Variants in FGF12 observed in about 807,000 individuals in gnomAD.
FGF12 encodes the protein fibroblast growth factor 12B.
Under a neutral mutation model 23.6 loss-of-function variants are expected in FGF12, and 14 were observed. That is an observed-to-expected ratio of 0.59 (90% CI 0.39 to 0.93). The LOEUF (loss-of-function observed/expected upper bound fraction) is 0.93. Ranked by LOEUF, FGF12 falls within the 40% of genes least tolerant of loss-of-function variation. The probability of loss-of-function intolerance (pLI) is 0.00; values close to 1 mark genes in which losing one functional copy is unlikely to be tolerated. For missense variants in FGF12, 175 were observed against 217.8 expected (o/e 0.80, Z 1.24); for synonymous variants, 62 against 77.3 (o/e 0.80, Z 1.04).
intron 4 of FGF12, among the ~76,000 whole-genome samples, chr3:192,201,083 C>T (rs555223928): frequency 3.9e-5 from 6 of 152,254 alleles, no homozygotes; most frequent in African/African-American, 1.4e-4. Flanking sequence ...CTGTAGGGGG[C>T]CACTGGTATA....
At chr3:192,644,704 CAAGT>C (rs763169050) in intron 2 of FGF12, among the ~76,000 whole-genome samples, 6 of 152,246 alleles carry the variant, frequency 3.9e-5, no homozygotes, top group Non-Finnish European at 8.8e-5. Context: ...TGTGGGACTG[CAAGT>C]AAGAATCAGG....
intron 4 of FGF12, among the ~76,000 whole-genome samples, chr3:192,273,502 G>C (rs900077028): frequency 6.6e-6 from 1 of 152,132 alleles, no homozygotes; most frequent in African/African-American, 2.4e-5. Context: ...TTCCTCACCA[G>C]TAGCTCAGGA....
chr3:192,691,352 G>A (rs1180664339), intron 2 of FGF12, among the ~76,000 whole-genome samples: 1 of 151,722 alleles, frequency 6.6e-6, no homozygotes, highest in African/African-American at 2.4e-5. Flanking sequence ...CAACCACAAT[G>A]GTATGAAACT....
intron 2 of FGF12, among the ~76,000 whole-genome samples, chr3:192,519,796 A>G (rs934351869): frequency 2.6e-5 from 4 of 152,216 alleles, no homozygotes; most frequent in African/African-American, 9.7e-5. Flanking sequence ...TTATATCAGT[A>G]TGGCCTCAAG....
At chr3:192,619,616 T>C (rs1024008471) in intron 2 of FGF12, among the ~76,000 whole-genome samples, 9 of 152,190 alleles carry the variant, frequency 5.9e-5, no homozygotes, top group Admixed American at 3.3e-4. Context: ...CTTGCTCAGG[T>C]ATGAGATTTT....
intron 2 of FGF12, among the ~76,000 whole-genome samples, chr3:192,535,378 G>T (rs1275922788): frequency 6.6e-6 from 1 of 152,132 alleles, no homozygotes; most frequent in African/African-American, 2.4e-5. Flanking sequence ...GGGAGAATAG[G>T]TCTTCTTTCT....
intron 4 of FGF12, among the ~76,000 whole-genome samples, chr3:192,316,912 C>T (rs1484608852): frequency 1.3e-5 from 2 of 152,172 alleles, no homozygotes; most frequent in African/African-American, 4.8e-5. Flanking sequence ...AGCTCAACCA[C>T]TATAGAATAG....
intron 2 of FGF12, among the ~76,000 whole-genome samples, chr3:192,383,374 G>T (rs1425779526): frequency 6.6e-6 from 1 of 152,082 alleles, no homozygotes; most frequent in Non-Finnish European, 1.5e-5. Flanking sequence ...TAATATTCAT[G>T]TGCTGGTGTG....
chr3:192,161,880 T>C (rs1577189854), intron 5 of FGF12, among the ~76,000 whole-genome samples: 1 of 152,264 alleles, frequency 6.6e-6, no homozygotes, highest in East Asian at 1.9e-4. Flanking sequence ...TAAGTGTCAA[T>C]GTCACTCTGT....
intron 2 of FGF12, among the ~76,000 whole-genome samples, chr3:192,467,055 G>GT (rs1723031574): frequency 6.6e-6 from 1 of 152,074 alleles, no homozygotes; most frequent in South Asian, 2.1e-4. Flanking sequence ...TAATTTTTAG[G>GT]TTTTTTCTTA....
At chr3:192,573,252 A>G (rs2108607291) in intron 2 of FGF12, among the ~76,000 whole-genome samples, 1 of 152,288 alleles carries the variant, frequency 6.6e-6, no homozygotes, top group African/African-American at 2.4e-5. Flanking sequence ...TAAAAAAAAA[A>G]AAGGATAGTC....
At chr3:192,434,366 AG>A (rs899886162) in intron 2 of FGF12, among the ~76,000 whole-genome samples, 3 of 152,176 alleles carry the variant, frequency 2.0e-5, no homozygotes, top group Non-Finnish European at 1.5e-5. Context: ...AGGCATGGAA[AG>A]GTTACATAAC....
At chr3:192,557,407 G>C (rs1711832488) in intron 2 of FGF12, among the ~76,000 whole-genome samples, 1 of 151,768 alleles carries the variant, frequency 6.6e-6, no homozygotes. Flanking sequence ...TAAGGAGATT[G>C]AATCAGCACC....
chr3:192,667,704 GAC>G (rs1277694199), intron 2 of FGF12, among the ~76,000 whole-genome samples: 2 of 150,828 alleles, frequency 1.3e-5, no homozygotes, highest in African/African-American at 4.9e-5. Flanking sequence ...CACAGTGAAA[GAC>G]ACAGAGGAGT....
At chr3:192,357,016 T>G (rs1359656517) in intron 3 of FGF12, among the ~76,000 whole-genome samples, 1 of 152,198 alleles carries the variant, frequency 6.6e-6, no homozygotes, top group African/African-American at 2.4e-5. Context: ...GGTAACATTT[T>G]AATAAAAGCT....
At chr3:192,303,667 A>G (rs1056108089) in intron 4 of FGF12, among the ~76,000 whole-genome samples, 2 of 152,138 alleles carry the variant, frequency 1.3e-5, no homozygotes, top group African/African-American at 2.4e-5. Context: ...AGTGTGGTGG[A>G]TTACGCTTAG....
In FGF12 at chr3:192,529,516, C is replaced by T. The variant is rs567341478; in HGVS notation, c.14-168978G>A. 2.0e-3 allele frequency among the ~76,000 whole-genome samples: 305 copies of T among 152,316 alleles called. 2 individuals carry two copies. Among genetic ancestry groups the T allele is most frequent in the African/African-American group, 6.9e-3 (287 of 41,562 alleles). On this transcript the variant is annotated intron_variant, in intron 2 of 5. Transcript: ENST00000445105. ...TCCAATCTCTGCCTGTTACCCAGTT[C>T]CAAAGTTGCTTCCACATTTTAGGGT...
chr3:192,490,377 C>A (rs1010324116), intron 2 of FGF12, among the ~76,000 whole-genome samples: 47 of 151,852 alleles, frequency 3.1e-4, no homozygotes, highest in African/African-American at 9.4e-4. Flanking sequence ...AGTAAGTCTA[C>A]CCCTAGTAAT....
chr3:192,388,572 G>T (rs565852245), intron 2 of FGF12, among the ~76,000 whole-genome samples: 91 of 151,842 alleles, frequency 6.0e-4, no homozygotes, highest in African/African-American at 2.1e-3. Flanking sequence ...AGACTATTAA[G>T]AAAGATATAT....
Sources: allele counts gnomAD v4.1 joint callset (sites outside exome capture counted in the v4.1 genomes callset), GRCh38; gene constraint gnomAD v4.1.1; transcripts MANE v1.5; gene names NCBI Gene and HGNC (gene_info 2026-07-23, HGNC 2026-07-21).